The following IFT140 variants were observed in gnomAD, a reference collection of about 807,000 sequenced individuals.
IFT140 encodes the protein intraflagellar transport protein 140 homolog.
Under a neutral mutation model 164.6 loss-of-function variants are expected in IFT140, and 133 were observed. The ratio of observed to expected loss-of-function variants is 0.81; its 90% CI spans 0.70 to 0.93. IFT140 has a LOEUF of 0.93. Among genes scored for constraint, IFT140 ranks in the 40% least tolerant of loss-of-function variants. The pLI is 0.00. For synonymous variants in IFT140, 860 were observed against 817.3 expected, an observed-to-expected ratio of 1.05 and a Z score of -0.89; for missense variants, 2,045 against 1,972.3, an observed-to-expected ratio of 1.04 and a Z score of -0.70.
intron 2 of IFT140, among the ~76,000 whole-genome samples, chr16:1,607,983 A>C (rs1473297629): frequency 1.3e-5 from 2 of 152,246 alleles, no homozygotes; most frequent in Non-Finnish European, 2.9e-5. Flanking sequence ...AAACTGCTCC[A>C]GAAAAGAGTA....
At chr16:1,523,736 G>A (rs756588984) in intron 25 of IFT140, 36 bp from the exon 26 acceptor site, 1 of 1,606,898 alleles carries the variant, frequency 6.2e-7, no homozygotes, top group Non-Finnish European at 8.5e-7. Flanking sequence ...GCTGCCCGAG[G>A]CCTGGGGGCC....
At chr16:1,542,849 C>T (rs1596333133) in intron 19 of IFT140, among the ~76,000 whole-genome samples, 1 of 152,236 alleles carries the variant, frequency 6.6e-6, no homozygotes, top group African/African-American at 2.4e-5. Flanking sequence ...CTCCTCTCAA[C>T]GCTCTAGACC....
At chr16:1,596,655 C>T (rs2667668) in intron 4 of IFT140, among the ~76,000 whole-genome samples, 4,600 of 152,288 alleles carry the variant, frequency 0.03, 241 homozygotes, top group African/African-American at 0.1. Context: ...GAAAGGAAAT[C>T]ACAGGACGCA....
rs1245659938 is a variant in IFT140, at chr16:1,587,301, G to C, written c.906C>G (p.Phe302Leu). 6.2e-7 allele frequency: 1 copy of C among 1,605,754 alleles called. No homozygotes were observed. The highest frequency in any genetic ancestry group is 1.3e-5 in the African/African-American group (1 of 74,734). ...VMAVGEAALR[F>L]WDIERGENYI... ...AATTCTCTCCTCGTTCTATGTCCCA[G>C]AATCTACAACAGAAGAAAGCAAGCC... Residue 302 changes from phenylalanine to leucine, a missense_variant, in exon 9 of 31, where the codon TTC (phenylalanine) becomes TTG (leucine). Coordinates refer to ENST00000426508, the MANE Select transcript of IFT140 (RefSeq NM_014714.4).
intron 19 of IFT140, chr16:1,534,657 C>T (rs2030881952): frequency 5.9e-6 from 9 of 1,512,992 alleles, no homozygotes; most frequent in South Asian, 4.5e-5. Flanking sequence ...GAGGCCTGGC[C>T]CCTGCTCTGC....
At chr16:1,595,125 A>G (rs1021734132) in intron 4 of IFT140, among the ~76,000 whole-genome samples, 1 of 151,834 alleles carries the variant, frequency 6.6e-6, no homozygotes, top group African/African-American at 2.4e-5. Flanking sequence ...CTCTACTAAA[A>G]ATACAAAAGA....
At chr16:1,602,785 C>G (rs181564851) in intron 3 of IFT140, among the ~76,000 whole-genome samples, 194 bp from the exon 4 acceptor site, 1 of 152,266 alleles carries the variant, frequency 6.6e-6, no homozygotes, top group African/African-American at 2.4e-5. Flanking sequence ...ACTAAAAATA[C>G]AAAAATTAGC....
At chr16:1,590,220 AAAT>A (rs1464162483) in intron 6 of IFT140, among the ~76,000 whole-genome samples, 1 of 151,512 alleles carries the variant, frequency 6.6e-6, no homozygotes. Flanking sequence ...AAAAAAAAAA[AAAT>A]TAAAAATGAA....
chr16:1,551,424 G>A lies in IFT140; in HGVS notation c.2399+6511C>T, dbSNP rs949221359. Among the ~76,000 whole-genome samples, 1 of 152,176 alleles carries A rather than the reference G, an allele frequency of 6.6e-6. No individual in the cohort carries two copies. Among genetic ancestry groups the A allele is most frequent in the African/African-American group, 2.4e-5 (1 of 41,442 alleles). On this transcript the variant is annotated intron_variant, in intron 19 of 30. Transcript: ENST00000426508. This position sits in a 1 kb window ranked among gnomAD's most constrained non-coding sequence, Gnocchi z 4.0. ...TAGGTGGACCCAGTGACTGAGAGGGGTGGAAAGGGCCACTGGGCCCCAGGG... is the reference window on the plus strand; with the variant it reads ...TAGGTGGACCCAGTGACTGAGAGGGATGGAAAGGGCCACTGGGCCCCAGGG...
In IFT140 at chr16:1,611,004, C is replaced by T. The variant is rs887601327; in HGVS notation, c.-221-151G>A. 3.3e-5 allele frequency among the ~76,000 whole-genome samples: 5 copies of T among 152,378 alleles called. No homozygotes were observed. In the South Asian group the frequency reaches 1.0e-3, roughly 32 times the overall value. ...GGGCGTGTTCCCTTCCCGTGCATCC[C>T]GAGGCGGAGCCTTTCCAGCACGCGG... is the stretch of plus-strand genomic sequence containing the variant. On this transcript the variant is annotated intron_variant, in intron 1 of 30. Transcript: ENST00000426508.
chr16:1,518,011 C>T (rs2040413014), intron 30 of IFT140: 1 of 469,608 alleles, frequency 2.1e-6, no homozygotes, highest in African/African-American at 2.0e-5. Flanking sequence ...CTAATTTTTC[C>T]CCTTTTTGTA....
At position 1,511,080 on chromosome 16, in the gene IFT140, T is replaced by C; in HGVS notation, c.4253A>G (p.Gln1418Arg). 1.2e-6 allele frequency: 2 copies of C among 1,610,200 alleles called. No homozygotes were observed. The highest frequency in any genetic ancestry group is 1.7e-6 in the Non-Finnish European group (2 of 1,178,768). Residue 1418 changes from glutamine to arginine, a missense_variant, in exon 31 of 31, where the codon CAG (glutamine) becomes CGG (arginine). By Grantham distance (43) the Gln-to-Arg change is conservative. Coordinates refer to ENST00000426508, the MANE Select transcript of IFT140 (RefSeq NM_014714.4). ...LANMSYYVSPQAVDAVHRGLG... is the reference protein window; with the variant it reads ...LANMSYYVSPRAVDAVHRGLG... ...CCCCCGGTGCACGGCGTCCACGGCC[T>C]GCGGGCTCACGTAGTAGGACATGTT...
intron 13 of IFT140, 37 bp downstream of exon 13, chr16:1,580,722 T>C: frequency 7.1e-7 from 1 of 1,399,880 alleles, no homozygotes; most frequent in Non-Finnish European, 1.0e-6. Flanking sequence ...GATTTCAAAC[T>C]CTGCTCTGGT....
At chr16:1,575,864 C>T (rs1210539419) in intron 13 of IFT140, among the ~76,000 whole-genome samples, 2 of 152,000 alleles carry the variant, frequency 1.3e-5, no homozygotes, top group Non-Finnish European at 2.9e-5. Flanking sequence ...TGCCACTGGC[C>T]CTCTCCCTGC....
In IFT140 at chr16:1,525,035, G is replaced by C. The variant is rs1414345774; in HGVS notation, c.2865-119C>G. On this transcript the variant is annotated intron_variant, in intron 22 of 30. Transcript: ENST00000426508. ...TGTCACCTGACCTGCAAACAGGCTG[G>C]GCCAAGAGTGAGGACCCCTGGCTTT... The C allele has an allele frequency of 6.3e-6, 9 of 1,418,702 alleles. No individual in the cohort carries two copies. The East Asian group carries it at 7.2e-5, about 11-fold the overall frequency. 87.9% of individuals were successfully genotyped at this position (1,418,702 alleles called of 1,614,324 possible).
rs181881627 is a variant in IFT140, at chr16:1,564,054, C to T, written c.2010G>A (p.Pro670=). The change falls in exon 17 of 31, where the codon CCG becomes CCA. Residue 670 remains proline (P), a synonymous_variant. Transcript: ENST00000426508. This position sits in a 1 kb window ranked among gnomAD's most constrained non-coding sequence, Gnocchi z 5.5. ...LFVCEAVQET[P]RSQPQSANGQ... is the part of the protein sequence containing the mutation. The stretch of plus-strand genomic sequence containing the variant: ...CGTTTGCAGACTGAGGCTGGGAGCG[C>T]GGCGTCTCCTGCACGGCTTCGCATA... The T allele has an allele frequency of 2.4e-5, 39 of 1,601,924 alleles. No individual in the cohort carries two copies. Among genetic ancestry groups the T allele is most frequent in the East Asian group, 1.1e-4 (5 of 44,340 alleles).
At chr16:1,578,322 A>C (rs1027099903) in intron 13 of IFT140, 5 of 152,174 alleles carry the variant, frequency 3.3e-5, no homozygotes, top group Admixed American at 6.5e-5. Context: ...TGGCCGCCCC[A>C]GGCAATCAGA....
chr16:1,607,372 G>T, intron 2 of IFT140, 75 bp from the exon 3 acceptor site: 2 of 1,301,416 alleles, frequency 1.5e-6, no homozygotes, highest in Non-Finnish European at 2.1e-6. Flanking sequence ...ATGGAATGAC[G>T]AAAAGGAAGC....
At chr16:1,585,586 A>T (rs1188433281) in intron 10 of IFT140, among the ~76,000 whole-genome samples, 1 of 152,152 alleles carries the variant, frequency 6.6e-6, no homozygotes, top group Non-Finnish European at 1.5e-5. Flanking sequence ...AGAGAGATGG[A>T]GAGGGAGGGA....
Sources: allele counts gnomAD v4.1 joint callset (sites outside exome capture counted in the v4.1 genomes callset), GRCh38; gene constraint gnomAD v4.1.1; non-coding constraint Gnocchi (gnomAD v3.1); transcripts MANE v1.5; gene names NCBI Gene and HGNC (gene_info 2026-07-23, HGNC 2026-07-21).